STXBP5L: variants seen among roughly 807,000 people sequenced by gnomAD.
STXBP5L encodes syntaxin binding protein 5L.
In STXBP5L, 65 loss-of-function variants were observed where a neutral mutation model predicts 144.5. The observed-to-expected ratio is 0.45, with a 90% CI of 0.37 to 0.55. The LOEUF (loss-of-function observed/expected upper bound fraction) is 0.55, where lower values mean the gene tolerates loss of function less well. STXBP5L is among the 20% of genes least tolerant of loss of function. The pLI is 0.00. For missense variants in STXBP5L, 1,298 were observed against 1,405.5 expected (o/e 0.92, Z 1.22); for synonymous variants, 505 against 469.6 (o/e 1.08, Z -0.97).
chr3:121,092,830 G>A (rs901935281), intron 5 of STXBP5L, among the ~76,000 whole-genome samples: 3 of 152,168 alleles, frequency 2.0e-5, no homozygotes, highest in African/African-American at 4.8e-5. Flanking sequence ...TGGTGAGAGA[G>A]GGCATCCCTG....
At chr3:121,396,438 A>G (rs777239139) in intron 22 of STXBP5L, among the ~76,000 whole-genome samples, 10 of 152,328 alleles carry the variant, frequency 6.6e-5, no homozygotes, top group Middle Eastern at 3.4e-3. Flanking sequence ...ACACTGCAAA[A>G]GGTGATGTTT....
chr3:121,346,734 T>G (rs190453917), intron 20 of STXBP5L, among the ~76,000 whole-genome samples: 4 of 152,172 alleles, frequency 2.6e-5, no homozygotes, highest in African/African-American at 9.6e-5. Flanking sequence ...GTGTCTTTTG[T>G]CTGCATAAAT....
intron 9 of STXBP5L, among the ~76,000 whole-genome samples, chr3:121,179,357 T>C (rs1401225163): frequency 6.6e-6 from 1 of 150,722 alleles, no homozygotes; most frequent in African/African-American, 2.4e-5. Context: ...AAAATCAAAA[T>C]AGGCAAAAAT....
At chr3:120,995,471 T>C (rs1464179068) in intron 3 of STXBP5L, among the ~76,000 whole-genome samples, 3 of 152,166 alleles carry the variant, frequency 2.0e-5, no homozygotes, top group Admixed American at 1.3e-4. Context: ...CTTGTTCTTC[T>C]GTTTCTCTTT....
At chr3:121,309,985 G>T (rs564918349) in intron 19 of STXBP5L, among the ~76,000 whole-genome samples, 1 of 152,036 alleles carries the variant, frequency 6.6e-6, no homozygotes, top group African/African-American at 2.4e-5. Flanking sequence ...ATAAATAAAT[G>T]GATCATTACA....
At chr3:121,357,069 C>A (rs2045541245) in intron 20 of STXBP5L, 1 of 184,038 alleles carries the variant, frequency 5.4e-6, no homozygotes, top group East Asian at 1.4e-4. Context: ...TGCCCTTGGC[C>A]TGAATAATCA....
chr3:120,980,616 T>G (rs1304862492), intron 3 of STXBP5L, among the ~76,000 whole-genome samples: 1 of 152,186 alleles, frequency 6.6e-6, no homozygotes, highest in Non-Finnish European at 1.5e-5. Context: ...GTGGGTTTCT[T>G]ATAAGAAGCT....
At chr3:121,223,799 A>T (rs999350919) in intron 11 of STXBP5L, among the ~76,000 whole-genome samples, 9 of 152,106 alleles carry the variant, frequency 5.9e-5, no homozygotes, top group African/African-American at 2.2e-4. Flanking sequence ...TAATGATGAA[A>T]TATTTTAATA....
intron 9 of STXBP5L, among the ~76,000 whole-genome samples, chr3:121,196,253 G>C (rs113456891): frequency 4.0e-5 from 6 of 151,366 alleles, no homozygotes; most frequent in African/African-American, 1.5e-4. Flanking sequence ...TCTGCCTCCC[G>C]GGTTCAAGCA....
intron 3 of STXBP5L, among the ~76,000 whole-genome samples, chr3:121,019,732 A>G (rs1030654084): frequency 6.6e-6 from 1 of 152,200 alleles, no homozygotes. Flanking sequence ...GGAGAGCACC[A>G]CATTAAGGGA....
At chr3:121,240,372 C>T (rs1326935077) in intron 13 of STXBP5L, 68 bp from the exon 14 acceptor site, 5 of 1,399,252 alleles carry the variant, frequency 3.6e-6, no homozygotes, top group South Asian at 1.3e-5. Flanking sequence ...TTATTTTAAG[C>T]TATTTTCATT....
At chr3:120,960,285 A>G (rs1256379967) in intron 3 of STXBP5L, among the ~76,000 whole-genome samples, 1 of 152,198 alleles carries the variant, frequency 6.6e-6, no homozygotes, top group Non-Finnish European at 1.5e-5. Context: ...ATGTGGAGAA[A>G]TAGGAACACT....
At chr3:120,969,862 C>G (rs975071387) in intron 3 of STXBP5L, among the ~76,000 whole-genome samples, 1 of 151,870 alleles carries the variant, frequency 6.6e-6, no homozygotes, top group Non-Finnish European at 1.5e-5. Flanking sequence ...TAGATACTTT[C>G]TTTCTGTTTT....
At chr3:121,052,963 G>A (rs1261021343) in intron 5 of STXBP5L, among the ~76,000 whole-genome samples, 1 of 152,128 alleles carries the variant, frequency 6.6e-6, no homozygotes, top group African/African-American at 2.4e-5. Context: ...CAGACAAACA[G>A]AGAGCCAAAT....
chr3:121,061,288 G>C (rs1027539731), intron 5 of STXBP5L, among the ~76,000 whole-genome samples: 7 of 152,182 alleles, frequency 4.6e-5, no homozygotes, highest in Non-Finnish European at 7.3e-5. Flanking sequence ...GGTTTTGAGT[G>C]AGTTTCTTAA....
At chr3:121,092,097 G>A (rs546045766) in intron 5 of STXBP5L, among the ~76,000 whole-genome samples, 19 of 152,106 alleles carry the variant, frequency 1.2e-4, no homozygotes, top group African/African-American at 4.1e-4. Flanking sequence ...GATATGCAGC[G>A]TTATTTCTGA....
chr3:121,343,724 A>G (rs1362424835), intron 20 of STXBP5L, among the ~76,000 whole-genome samples: 4 of 152,128 alleles, frequency 2.6e-5, no homozygotes, highest in African/African-American at 9.7e-5. Flanking sequence ...GAGAACTACA[A>G]ATCACTGCTC....
chr3:120,976,261 G>A (rs887244152), intron 3 of STXBP5L, among the ~76,000 whole-genome samples: 2 of 152,164 alleles, frequency 1.3e-5, no homozygotes, highest in East Asian at 1.9e-4. Context: ...CTTCTTCCTG[G>A]TTTAGTCTTG....
intron 22 of STXBP5L, among the ~76,000 whole-genome samples, chr3:121,393,151 G>T (rs2046637910): frequency 1.4e-5 from 2 of 146,366 alleles, no homozygotes. Flanking sequence ...TCTTATTATG[G>T]TTTTAATTTT....
Sources: allele counts gnomAD v4.1 joint callset (sites outside exome capture counted in the v4.1 genomes callset), GRCh38; gene constraint gnomAD v4.1.1; transcripts MANE v1.5; gene names NCBI Gene and HGNC (gene_info 2026-07-23, HGNC 2026-07-21).